Variants in CSAG1 observed in about 807,000 individuals in gnomAD.
The protein encoded by CSAG1 is chondrosarcoma-associated gene 1 protein.
Under a neutral mutation model 4.8 loss-of-function variants are expected in CSAG1, and 4 were observed. The observed-to-expected ratio is 0.83, with a 90% CI of 0.41 to 1.90. CSAG1 has a LOEUF of 1.90. Among genes scored for constraint, CSAG1 ranks in the 40% most tolerant of loss-of-function variants. The pLI is 0.03. For synonymous variants in CSAG1, 21 were observed against 23.1 expected (o/e 0.91, Z 0.26); for missense variants, 69 against 59.5 (o/e 1.16, Z -0.53).
chrX:152,729,010 AC>A (rs1195142636), intron 2 of CSAG1, among the ~76,000 whole-genome samples: 1 of 110,499 alleles, frequency 9.0e-6, no homozygotes, highest in African/African-American at 3.3e-5. Context: ...TTGGTGGAGG[AC>A]ATAAGCATTA....
rs1466270601 is a variant in CSAG1 at position 152,732,519 on chromosome X, A to G, written c.-44-15T>C. The G allele has an allele frequency of 8.3e-7, 1 of 1,207,103 alleles. No individual in the cohort carries two copies. Among genetic ancestry groups the G allele is most frequent in the Non-Finnish European group, 1.1e-6 (1 of 894,051 alleles). Reference sequence around the variant, plus strand: ...CCAAATCAACCCTGTAAATTTATAGAATGGAAACAGAAAGTAAAAAACCAG... The same window carrying G: ...CCAAATCAACCCTGTAAATTTATAGGATGGAAACAGAAAGTAAAAAACCAG... On this transcript the variant is annotated splice_polypyrimidine_tract_variant and intron_variant, in intron 1 of 3. Coordinates refer to ENST00000452779, the MANE Select transcript of CSAG1 (RefSeq NM_001102576.3).
chrX:152,730,521 C>G (rs1478067339), intron 2 of CSAG1, among the ~76,000 whole-genome samples: 1 of 110,733 alleles, frequency 9.0e-6, no homozygotes, highest in African/African-American at 3.3e-5. Flanking sequence ...TTCCTCCATG[C>G]GAGGACATAG....
chrX:152,730,521 C>A (rs1478067339), intron 2 of CSAG1, among the ~76,000 whole-genome samples: 1 of 110,733 alleles, frequency 9.0e-6, no homozygotes, highest in African/African-American at 3.3e-5. Flanking sequence ...TTCCTCCATG[C>A]GAGGACATAG....
chrX:152,727,928 A>G, intron 3 of CSAG1, 65 bp from the exon 4 acceptor site: 1 of 1,193,747 alleles, frequency 8.4e-7, no homozygotes, highest in Non-Finnish European at 1.1e-6. Flanking sequence ...AGGAGGGGTG[A>G]GAACAGGGGT....
Position 152,727,663 on chromosome X carries a change from A to T in CSAG1, c.*131T>A. On this transcript the variant is annotated 3_prime_UTR_variant, in exon 4 of 4. Coordinates refer to ENST00000452779, the MANE Select transcript of CSAG1 (RefSeq NM_001102576.3). ...CTGGCTGCCCAAGGAAGCACTGGAG[A>T]AGGCGGTGGTCTCCTTGCCCTTGTG... 3.7e-6 allele frequency: 3 copies of T among 803,358 alleles called. No homozygotes were observed. The highest frequency in any genetic ancestry group is 5.7e-6 in the Non-Finnish European group (3 of 529,250). 66.2% of individuals were successfully genotyped at this position (803,358 alleles called of 1,213,427 possible).
In CSAG1 at chrX:152,733,678, A is replaced by G. The variant is rs1226974271; in HGVS notation, c.-55T>C. ...CATCTTCATGCTTACCTCCACCTCC[A>G]TCTGGATCCCCATCCAGGAAGAATC... On this transcript the variant is annotated 5_prime_UTR_variant, in exon 1 of 4. An upstream start codon of the reference 5' UTR is lost. Transcript: ENST00000452779. The G allele has an allele frequency of 9.6e-6, 1 of 103,676 alleles. No homozygotes were observed. The highest frequency in any genetic ancestry group is 3.5e-5 in the African/African-American group (1 of 28,324). The allele number at this position is 103,676 out of a possible 1,213,427, so 8.5% of individuals were successfully genotyped here.
chrX:152,732,072 T>C (rs1263088191), intron 2 of CSAG1, among the ~76,000 whole-genome samples: 2 of 112,368 alleles, frequency 1.8e-5, no homozygotes, highest in Non-Finnish European at 3.8e-5. Flanking sequence ...TGTTTAGTGA[T>C]AATACCATTA....
intron 2 of CSAG1, among the ~76,000 whole-genome samples, chrX:152,730,009 T>TATATATATATATATATAC (rs1220407757): frequency 4.0e-4 from 22 of 54,978 alleles, no homozygotes; most frequent in African/African-American, 1.3e-3. Flanking sequence ...TATATATATA[T>TATATATATATATATATAC]ACACACATAC....
chrX:152,730,079 G>T (rs1160711611), intron 2 of CSAG1, among the ~76,000 whole-genome samples: 1 of 101,682 alleles, frequency 9.8e-6, no homozygotes, highest in Non-Finnish European at 2.0e-5. Context: ...CAATGAAAAG[G>T]AATAAGTTAC....
chrX:152,730,308 G>T (rs1189191859), intron 2 of CSAG1, among the ~76,000 whole-genome samples: 9 of 111,855 alleles, frequency 8.0e-5, no homozygotes, highest in African/African-American at 1.6e-4. Context: ...AGTGAAACTA[G>T]TATGGTAATA....
At chrX:152,730,230 T>C (rs1218575992) in intron 2 of CSAG1, among the ~76,000 whole-genome samples, 1 of 110,446 alleles carries the variant, frequency 9.1e-6, no homozygotes, top group Non-Finnish European at 1.9e-5. Context: ...GGCAAAATTA[T>C]AAAGATGAAA....
At chrX:152,728,812 G>A (rs1159805200) in intron 2 of CSAG1, among the ~76,000 whole-genome samples, 11 of 111,014 alleles carry the variant, frequency 9.9e-5, no homozygotes, top group South Asian at 3.9e-4. Flanking sequence ...CAGAGAGCGC[G>A]CGAGAGAGAC....
chrX:152,729,992 T>TTATATATA (rs61137896), intron 2 of CSAG1, among the ~76,000 whole-genome samples: 3,296 of 64,581 alleles, frequency 0.051, 269 homozygotes, highest in African/African-American at 0.16. Context: ...GGTGAATGGA[T>TTATATATA]TATATATATA....
chrX:152,732,323 C>G (rs782319808), intron 2 of CSAG1, 122 bp downstream of exon 2: 184 of 928,187 alleles, frequency 2.0e-4, no homozygotes, highest in Non-Finnish European at 2.5e-4. Context: ...TCGAAGTATA[C>G]TGACATATTC....
In CSAG1 at chrX:152,727,701, C is replaced by T. The variant is rs1556830489; in HGVS notation, c.*93G>A. 5.6e-5 allele frequency: 60 copies of T among 1,064,914 alleles called. No individual in the cohort carries two copies. The Middle Eastern group carries it at 8.7e-4, about 16-fold the overall frequency. The allele number at this position is 1,064,914 out of a possible 1,213,427, so 87.8% of individuals were successfully genotyped here. ...CCTTGCCCTTGTGGTCCTGCTATGG[C>T]GCATTTTGATTGAGTTCCTCGTTCG... On this transcript the variant is annotated 3_prime_UTR_variant, in exon 4 of 4. Transcript: ENST00000452779.
intron 3 of CSAG1, 21 bp from the exon 4 acceptor site, chrX:152,727,884 T>C (rs1556830609): frequency 1.4e-4 from 173 of 1,202,734 alleles, no homozygotes; most frequent in Middle Eastern, 6.9e-4. Flanking sequence ...AACAGGGAGA[T>C]CACAGGAGGG....
chrX:152,730,854 G>A (rs1425743385), intron 2 of CSAG1, among the ~76,000 whole-genome samples: 1 of 112,407 alleles, frequency 8.9e-6, no homozygotes, highest in Admixed American at 9.4e-5. Context: ...CTGTATTATA[G>A]ATGTATGAAA....
At chrX:152,730,101 A>C (rs1434980116) in intron 2 of CSAG1, among the ~76,000 whole-genome samples, 27 of 107,051 alleles carry the variant, frequency 2.5e-4, no homozygotes, top group African/African-American at 8.8e-4. Flanking sequence ...AGCTGCACAA[A>C]GTTTTACATG....
At chrX:152,729,311 A>T (rs1438265898) in intron 2 of CSAG1, among the ~76,000 whole-genome samples, 13 of 112,558 alleles carry the variant, frequency 1.2e-4, no homozygotes, top group East Asian at 5.6e-4. Flanking sequence ...TTGAGTTTGG[A>T]GATGAGTTTT....
Sources: allele counts gnomAD v4.1 joint callset (sites outside exome capture counted in the v4.1 genomes callset), GRCh38; gene constraint gnomAD v4.1.1; transcripts MANE v1.5; gene names NCBI Gene and HGNC (gene_info 2026-07-23, HGNC 2026-07-21).